The following PTCD3 variants were observed in gnomAD, a reference collection of about 807,000 sequenced individuals.
PTCD3 encodes small ribosomal subunit protein mS39.
In PTCD3, 89 loss-of-function variants were observed where a neutral mutation model predicts 101.9. The observed-to-expected ratio is 0.87, with a 90% confidence interval of 0.74 to 1.04. The LOEUF is 1.04. Among genes scored for constraint, PTCD3 ranks in the 50% least tolerant of loss-of-function variants. The pLI is 0.00. For missense variants in PTCD3, 870 were observed against 828.2 expected (o/e 1.05, Z -0.62); for synonymous variants, 296 against 278.5 (o/e 1.06, Z -0.63).
rs1674662369 is a variant in PTCD3 at position 86,140,370 on chromosome 2, GCAGGGTTTGAAAT to G, written c.*2815_*2827del. On this transcript the variant is annotated 3_prime_UTR_variant, in exon 24 of 24. Coordinates refer to ENST00000254630, the MANE Select transcript of PTCD3 (RefSeq NM_017952.6). ...CAGGGTAGCATTTGTCTTTCAAACT[GCAGGGTTTGAAAT>G]CAGTTTTTGTGGGTGATTGCAATTT... 6.6e-6 allele frequency: 1 copy of G among 152,088 alleles called. No individual in the cohort carries two copies. Among genetic ancestry groups the G allele is most frequent in the Non-Finnish European group, 1.5e-5 (1 of 68,016 alleles). The allele number at this position is 152,088 out of a possible 1,614,324, so 9.4% of individuals were successfully genotyped here.
chr2:86,127,854 T>C, intron 13 of PTCD3, 87 bp from the exon 14 acceptor site: 2 of 1,046,950 alleles, frequency 1.9e-6, no homozygotes, highest in Non-Finnish European at 3.0e-6. Flanking sequence ...AATATGTTTT[T>C]AATTCAGTGT....
intron 8 of PTCD3, among the ~76,000 whole-genome samples, chr2:86,122,866 C>G (rs1378910694): frequency 6.6e-6 from 1 of 152,226 alleles, no homozygotes; most frequent in Non-Finnish European, 1.5e-5. Flanking sequence ...CAGCAGGCTA[C>G]AGAGCCAACA....
intron 8 of PTCD3, among the ~76,000 whole-genome samples, chr2:86,123,122 C>G (rs1348589058): frequency 1.3e-5 from 2 of 151,892 alleles, no homozygotes; most frequent in Admixed American, 1.3e-4. Flanking sequence ...ATTAGCTGGG[C>G]GTGGTGGCAC....
chr2:86,134,838 G>C lies in PTCD3; in HGVS notation c.1630-1G>C. 6.2e-7 allele frequency: 1 copy of C among 1,613,972 alleles called. No individual in the cohort carries two copies. Among genetic ancestry groups the C allele is most frequent in the Non-Finnish European group, 8.5e-7 (1 of 1,179,994 alleles). ...GTTCTGCTGACTCCTAAGCTTCTCAGCTTCAGGTGGCATTTGCTGACTGTG... is the reference window on the plus strand; with the variant it reads ...GTTCTGCTGACTCCTAAGCTTCTCACCTTCAGGTGGCATTTGCTGACTGTG... On this transcript the variant is annotated splice_acceptor_variant, in intron 20 of 23. Coordinates refer to ENST00000254630, the MANE Select transcript of PTCD3 (RefSeq NM_017952.6). LOFTEE classifies it high-confidence loss of function.
Position 86,134,378 on chromosome 2 carries a change from G to A in PTCD3, c.1629+1G>A. 1 of 1,608,808 alleles carries A rather than the reference G, an allele frequency of 6.2e-7. No individual in the cohort carries two copies. The highest frequency in any genetic ancestry group is 8.5e-7 in the Non-Finnish European group (1 of 1,175,304). ...GGCAAGGGACAAGCACCCACCAGAGGTAGGCCTGAAACTCACCAGCCAGTA... is the reference window on the plus strand; with the variant it reads ...GGCAAGGGACAAGCACCCACCAGAGATAGGCCTGAAACTCACCAGCCAGTA... On this transcript the variant is annotated splice_donor_variant, in intron 20 of 23. Coordinates refer to ENST00000254630, the MANE Select transcript of PTCD3 (RefSeq NM_017952.6). LOFTEE classifies it high-confidence loss of function.
At chr2:86,125,373 A>G (rs1674364846) in intron 10 of PTCD3, 82 bp from the exon 11 acceptor site, 1 of 1,411,066 alleles carries the variant, frequency 7.1e-7, no homozygotes, top group Non-Finnish European at 1.0e-6. Flanking sequence ...AGCCTGAGCT[A>G]TATTACCAAA....
Position 86,136,678 on chromosome 2 carries a change from G to T in PTCD3, c.1820+116G>T, listed in dbSNP as rs983162011. 3 of 1,214,438 alleles carry T rather than the reference G, an allele frequency of 2.5e-6. No homozygotes were observed. In the East Asian group the frequency reaches 7.0e-5, roughly 28 times the overall value. The allele number at this position is 1,214,438 out of a possible 1,614,324, so 75.2% of individuals were successfully genotyped here. The stretch of plus-strand genomic sequence containing the variant: ...CACTCTTCTGTTAGGCAAGCATACC[G>T]TCAACTCCCTACTATCCAGGGCATC... On this transcript the variant is annotated intron_variant, in intron 22 of 23. Transcript: ENST00000254630.
At chr2:86,107,778 G>C (rs531968815) in intron 1 of PTCD3, among the ~76,000 whole-genome samples, 1 of 152,324 alleles carries the variant, frequency 6.6e-6, no homozygotes, top group Admixed American at 6.5e-5. Flanking sequence ...ATTGCTTTAA[G>C]TGAGGTAGTC....
chr2:86,136,961 C>T (rs1331649726), intron 22 of PTCD3, 21 bp from the exon 23 acceptor site: 4 of 1,612,190 alleles, frequency 2.5e-6, no homozygotes, highest in Non-Finnish European at 3.4e-6. Context: ...AGAAAGTTCA[C>T]ACTTTGCCTT....
chr2:86,134,660 G>A (rs914873658), intron 20 of PTCD3, among the ~76,000 whole-genome samples, 179 bp from the exon 21 acceptor site: 3 of 152,112 alleles, frequency 2.0e-5, no homozygotes, highest in Non-Finnish European at 4.4e-5. Context: ...TGAAAGTTGT[G>A]GCTAATCAAA....
Position 86,108,336 on chromosome 2 carries a change from TTG to T in PTCD3, c.105-12_105-11del. ...TTAATGACTATTAGATTTAAGGCTT[TTG>T]TTTTTTTGCAGATTTTATTCTGGTA... On this transcript the variant is annotated splice_polypyrimidine_tract_variant and intron_variant, in intron 1 of 23. Coordinates refer to ENST00000254630, the MANE Select transcript of PTCD3 (RefSeq NM_017952.6). 6.2e-7 allele frequency: 1 copy of T among 1,607,312 alleles called. No individual in the cohort carries two copies. The highest frequency in any genetic ancestry group is 8.5e-7 in the Non-Finnish European group (1 of 1,177,962).
At chr2:86,115,484 C>T (rs193144888) in intron 4 of PTCD3, among the ~76,000 whole-genome samples, 1 of 152,188 alleles carries the variant, frequency 6.6e-6, no homozygotes, top group East Asian at 1.9e-4. Context: ...AGGTGAGGCT[C>T]AAGGGAAAGG....
At chr2:86,129,535 A>G (rs1674458139) in intron 14 of PTCD3, among the ~76,000 whole-genome samples, 1 of 152,236 alleles carries the variant, frequency 6.6e-6, no homozygotes, top group Middle Eastern at 3.4e-3. Flanking sequence ...CCAGCTACTC[A>G]GGAGTGTGAG....
intron 8 of PTCD3, among the ~76,000 whole-genome samples, chr2:86,122,611 A>G (rs112395662): frequency 2.0e-5 from 3 of 152,174 alleles, no homozygotes; most frequent in African/African-American, 4.8e-5. Context: ...GGGTAGACAT[A>G]GGGTCTTGCT....
chr2:86,115,262 G>T (rs1012439111), intron 4 of PTCD3, among the ~76,000 whole-genome samples: 1 of 152,174 alleles, frequency 6.6e-6, no homozygotes, highest in African/African-American at 2.4e-5. Context: ...AATTTTAGAT[G>T]CCTGATATCA....
rs370874216 is a variant in PTCD3 at position 86,125,782 on chromosome 2, T to G, written c.866-13T>G. The G allele has an allele frequency of 3.2e-6, 5 of 1,567,180 alleles. No homozygotes were observed. In the African/African-American group the frequency reaches 5.4e-5, roughly 17 times the overall value. ...TCTTCAACCCCAAATTTTATCATTT[T>G]ATTATTTTACAGCTGATGTATACAC... On this transcript the variant is annotated splice_polypyrimidine_tract_variant and intron_variant, in intron 11 of 23. Transcript: ENST00000254630.
At chr2:86,119,096 C>A in intron 7 of PTCD3, 52 bp downstream of exon 7, 1 of 1,592,470 alleles carries the variant, frequency 6.3e-7, no homozygotes, top group South Asian at 1.1e-5. Flanking sequence ...TGAAGTGGGC[C>A]CAAGTTATAT....
chr2:86,112,289 C>A (rs1040402759), intron 4 of PTCD3, among the ~76,000 whole-genome samples: 1 of 151,224 alleles, frequency 6.6e-6, no homozygotes, highest in Non-Finnish European at 1.5e-5. Context: ...ATCTCCTGAC[C>A]TCCTGATCCA....
rs1406202904 is a variant in PTCD3, at chr2:86,142,063, G to A, written c.*4504G>A. 6.7e-6 allele frequency: 1 copy of A among 149,404 alleles called. No homozygotes were observed. Among genetic ancestry groups the A allele is most frequent in the East Asian group, 2.0e-4 (1 of 5,104 alleles). 9.3% of individuals were successfully genotyped at this position (149,404 alleles called of 1,614,324 possible). A position where few individuals can be genotyped will look rare whatever the true frequency, so the allele number is the denominator to read the frequency against. On this transcript the variant is annotated 3_prime_UTR_variant, in exon 24 of 24. Coordinates refer to ENST00000254630, the MANE Select transcript of PTCD3 (RefSeq NM_017952.6). ...TGTTCCTAATAAGCAATCAAGGGGGGTGGGTGTGTTGGCTGGTAAAGGAAC... is the reference window on the plus strand; with the variant it reads ...TGTTCCTAATAAGCAATCAAGGGGGATGGGTGTGTTGGCTGGTAAAGGAAC...
Sources: gnomAD v4.1 joint callset for allele counts (sites outside exome capture counted in the v4.1 genomes callset) on GRCh38, gnomAD v4.1.1 for gene constraint, MANE v1.5 for transcripts, NCBI Gene and HGNC (gene_info 2026-07-23, HGNC 2026-07-21) for gene names.